ULK2: variants seen among roughly 807,000 people sequenced by gnomAD.
ULK2 encodes the protein unc-51 like autophagy activating kinase 2.
Under a neutral mutation model 127.5 loss-of-function variants are expected in ULK2, and 76 were observed. That is an observed-to-expected ratio of 0.60 (90% CI 0.50 to 0.72). The LOEUF is 0.72. ULK2 is among the 30% of genes least tolerant of loss of function. The pLI, the probability that ULK2 is intolerant of heterozygous loss-of-function variation, is 0.00. For missense variants in ULK2, 1,144 were observed against 1,295.9 expected (o/e 0.88, Z 1.80); for synonymous variants, 452 against 461.9 (o/e 0.98, Z 0.28).
At chr17:19,777,558 C>T (rs929550321) in intron 26 of ULK2, 23 bp downstream of exon 26, 2 of 1,584,264 alleles carry the variant, frequency 1.3e-6, no homozygotes, top group South Asian at 1.2e-5. Flanking sequence ...TAAAAAAATA[C>T]ACTACTTTGT....
chr17:19,800,974 G>T (rs1245284980), intron 16 of ULK2, among the ~76,000 whole-genome samples: 1 of 152,078 alleles, frequency 6.6e-6, no homozygotes, highest in African/African-American at 2.4e-5. Flanking sequence ...GTTGTTTCTG[G>T]TGTTTTGTTT....
intron 26 of ULK2, 22 bp from the exon 27 acceptor site, chr17:19,776,429 T>C (rs766525675): frequency 1.3e-6 from 2 of 1,564,286 alleles, no homozygotes; most frequent in Non-Finnish European, 1.7e-6. Flanking sequence ...ATAACAAAAA[T>C]GAAGAACTAA....
chr17:19,855,295 G>A (rs987894949), intron 3 of ULK2, among the ~76,000 whole-genome samples: 4 of 151,120 alleles, frequency 2.6e-5, no homozygotes, highest in Admixed American at 6.6e-5. Context: ...TCCCAGCTAC[G>A]CGGGAGGCTG....
intron 20 of ULK2, among the ~76,000 whole-genome samples, chr17:19,789,599 C>G (rs780331975): frequency 4.1e-4 from 63 of 152,240 alleles, no homozygotes; most frequent in Non-Finnish European, 8.2e-4. Flanking sequence ...CATAACCTTT[C>G]AGACAGAGAA....
chr17:19,865,727 G>C lies in ULK2; in HGVS notation c.183+9C>G, dbSNP rs1408233054. On this transcript the variant is annotated intron_variant, in intron 2 of 26. Transcript: ENST00000395544. ...CCTTATATGAATACTACTACATAAA[G>C]TAACATACCTTTAAGATTTTAATTT... The C allele has an allele frequency of 6.9e-7, 1 of 1,455,228 alleles. No individual in the cohort carries two copies. Among genetic ancestry groups the C allele is most frequent in the Non-Finnish European group, 9.5e-7 (1 of 1,053,152 alleles). 90.1% of individuals were successfully genotyped at this position (1,455,228 alleles called of 1,614,324 possible).
rs566556878 is a variant in ULK2, at chr17:19,830,059, G to A, written c.788-3873C>T. Among the ~76,000 whole-genome samples the A allele has an allele frequency of 3.3e-5, 5 of 152,206 alleles. No individual in the cohort carries two copies. In the East Asian group the frequency reaches 7.7e-4, roughly 23 times the overall value. ...GCATCAATAAGGAAAGGGAGGCACT[G>A]AACAGTGCTATAAACTAACTGGACC... On this transcript the variant is annotated intron_variant, in intron 10 of 26. Transcript: ENST00000395544.
At chr17:19,863,183 C>A (rs2042279350) in intron 3 of ULK2, among the ~76,000 whole-genome samples, 1 of 151,764 alleles carries the variant, frequency 6.6e-6, no homozygotes, top group South Asian at 2.1e-4. Flanking sequence ...CCACTTCACT[C>A]CAGCCTGGGC....
At chr17:19,849,813 T>C (rs761247322) in intron 3 of ULK2, 39 bp from the exon 4 acceptor site, 1 of 1,285,734 alleles carries the variant, frequency 7.8e-7, no homozygotes, top group East Asian at 2.5e-5. Context: ...TAGAGAAAAA[T>C]TAAACACAAA....
intron 26 of ULK2, among the ~76,000 whole-genome samples, chr17:19,776,881 T>C (rs1425339048): frequency 6.6e-6 from 1 of 152,194 alleles, no homozygotes; most frequent in African/African-American, 2.4e-5. Flanking sequence ...AAAACTAAAG[T>C]CCTCCTACAT....
chr17:19,848,873 A>C (rs1287509373), intron 5 of ULK2, among the ~76,000 whole-genome samples: 1 of 152,178 alleles, frequency 6.6e-6, no homozygotes, highest in Non-Finnish European at 1.5e-5. Context: ...TCAGAATTTC[A>C]AGCACCATCT....
rs1054983947 is a variant in ULK2 at position 19,783,677 on chromosome 17, C to T, written c.2460+20G>A. ...TATCAAATCAACATTACATTCACAC[C>T]ACTATAGTCTCTTTTCTACCTCCAT... On this transcript the variant is annotated intron_variant, in intron 22 of 26. Transcript: ENST00000395544. 11 of 1,458,366 alleles carry T rather than the reference C, an allele frequency of 7.5e-6. No homozygotes were observed. In the African/African-American group the frequency reaches 1.6e-4, roughly 21 times the overall value. 90.3% of individuals were successfully genotyped at this position (1,458,366 alleles called of 1,614,324 possible).
intron 22 of ULK2, among the ~76,000 whole-genome samples, chr17:19,782,784 C>T (rs542303901): frequency 7.9e-5 from 12 of 152,046 alleles, no homozygotes; most frequent in Non-Finnish European, 1.5e-4. Context: ...GGCGTGGTGG[C>T]ATGTGCCTGT....
intron 22 of ULK2, 68 bp downstream of exon 22, chr17:19,783,629 T>C: frequency 7.5e-7 from 1 of 1,332,354 alleles, no homozygotes. Context: ...TATTTTGTTC[T>C]TGTCATCACT....
intron 10 of ULK2, among the ~76,000 whole-genome samples, chr17:19,836,114 A>C (rs955271945): frequency 3.3e-5 from 5 of 151,938 alleles, no homozygotes; most frequent in Admixed American, 1.3e-4. Context: ...TAAAAAAAAA[A>C]AAAAACAAAA....
intron 5 of ULK2, among the ~76,000 whole-genome samples, chr17:19,848,620 T>C (rs1045372635): frequency 1.3e-5 from 2 of 151,930 alleles, no homozygotes; most frequent in Non-Finnish European, 2.9e-5. Context: ...CTACTAAAAA[T>C]ACAAAAATTA....
chr17:19,817,367 T>A (rs976086094), intron 12 of ULK2, among the ~76,000 whole-genome samples: 2 of 152,152 alleles, frequency 1.3e-5, no homozygotes, highest in Admixed American at 1.3e-4. Flanking sequence ...GAAGAAAAAT[T>A]ATAAGCAGGA....
At chr17:19,799,339 G>A (rs920662205) in intron 17 of ULK2, among the ~76,000 whole-genome samples, 156 bp downstream of exon 17, 4 of 151,962 alleles carry the variant, frequency 2.6e-5, no homozygotes, top group African/African-American at 9.7e-5. Context: ...TTAGCTTTAT[G>A]ACATATTAAA....
chr17:19,812,959 G>C (rs1008992894), intron 13 of ULK2, among the ~76,000 whole-genome samples: 15 of 152,234 alleles, frequency 9.9e-5, no homozygotes, highest in African/African-American at 3.6e-4. Flanking sequence ...GTAAAACAGA[G>C]GGTCTCTGAA....
At chr17:19,849,307 T>C (rs2041962306) in intron 5 of ULK2, 62 bp downstream of exon 5, 7 of 1,449,300 alleles carry the variant, frequency 4.8e-6, no homozygotes, top group Non-Finnish European at 6.7e-6. Flanking sequence ...CACAAGTACC[T>C]CTTAGGATTA....
Sources: allele counts gnomAD v4.1 joint callset (sites outside exome capture counted in the v4.1 genomes callset), GRCh38; gene constraint gnomAD v4.1.1; transcripts MANE v1.5; gene names NCBI Gene and HGNC (gene_info 2026-07-23, HGNC 2026-07-21).